Variants in PBRM1 observed in about 807,000 individuals in gnomAD.
The protein encoded by PBRM1 is polybromo 1.
PBRM1 carries 27 observed loss-of-function variants against 194.5 expected under a neutral mutation model. That is an observed-to-expected ratio of 0.14 (90% CI 0.10 to 0.19). The LOEUF is 0.19. Among genes scored for constraint, PBRM1 ranks in the 10% least tolerant of loss-of-function variants. The pLI is 1.00. For missense variants in PBRM1, 1,466 were observed against 2,077.2 expected (o/e 0.71, Z 5.72); for synonymous variants, 655 against 693.2 (o/e 0.94, Z 0.87).
chr3:52,658,394 G>A (rs1385524126), intron 4 of PBRM1, 79 bp from the exon 6 acceptor site: 1 of 733,078 alleles, frequency 1.4e-6, no homozygotes, highest in East Asian at 2.8e-5. Flanking sequence ...AAATTGTAGA[G>A]CTAATTCAAA....
At chr3:52,596,178 G>A (rs975820811) in intron 17 of PBRM1, among the ~76,000 whole-genome samples, 5 of 151,858 alleles carry the variant, frequency 3.3e-5, no homozygotes, top group African/African-American at 7.3e-5. Flanking sequence ...GGTGGCTCAC[G>A]CCTGTAATCC....
At chr3:52,620,940 G>A (rs758569448) in intron 13 of PBRM1, among the ~76,000 whole-genome samples, 1 of 152,090 alleles carries the variant, frequency 6.6e-6, no homozygotes, top group East Asian at 1.9e-4. Flanking sequence ...GTGCCTTAGA[G>A]ACTGAGAGCC....
At chr3:52,607,517 C>T (rs954666661) in intron 16 of PBRM1, among the ~76,000 whole-genome samples, 2 of 152,094 alleles carry the variant, frequency 1.3e-5, no homozygotes, top group African/African-American at 4.8e-5. Flanking sequence ...AAGACATAAA[C>T]GAAGTTCCTA....
intron 11 of PBRM1, among the ~76,000 whole-genome samples, chr3:52,631,235 T>C (rs1319112981): frequency 6.6e-6 from 1 of 151,066 alleles, no homozygotes; most frequent in African/African-American, 2.4e-5. Context: ...CTTTGGGAGG[T>C]CAAGGCGGGC....
At position 52,609,281 on chromosome 3, in the gene PBRM1, T is replaced by C; in HGVS notation, c.2567+32A>G. On this transcript the variant is annotated intron_variant, in intron 16 of 29. Transcript: ENST00000296302. The surrounding 1 kb of genome is among the most constrained non-coding windows in gnomAD (Gnocchi z 4.1). Reference sequence around the variant, plus strand: ...TCTGTTTTGTATTAAATAGCACATATCCTCAAAATAAAAATGGCTTTGAAA... The same window carrying C: ...TCTGTTTTGTATTAAATAGCACATACCCTCAAAATAAAAATGGCTTTGAAA... The C allele has an allele frequency of 6.5e-7, 1 of 1,539,848 alleles. No homozygotes were observed.
intron 3 of PBRM1, among the ~76,000 whole-genome samples, chr3:52,668,290 C>T (rs2096879338): frequency 6.6e-6 from 1 of 152,176 alleles, no homozygotes. Flanking sequence ...GAGCAAGACC[C>T]TGTCTCAAAA....
At chr3:52,603,086 A>G (rs1043540115) in intron 17 of PBRM1, among the ~76,000 whole-genome samples, 5 of 152,232 alleles carry the variant, frequency 3.3e-5, no homozygotes, top group African/African-American at 1.2e-4. Flanking sequence ...ACTTTTCTCC[A>G]GGTATGTGAT....
At chr3:52,603,189 G>A (rs2094121950) in intron 17 of PBRM1, among the ~76,000 whole-genome samples, 1 of 152,242 alleles carries the variant, frequency 6.6e-6, no homozygotes, top group South Asian at 2.1e-4. Context: ...TGGACTCACT[G>A]TTGAGAATGC....
chr3:52,657,494 G>C (rs1166794877), intron 5 of PBRM1, among the ~76,000 whole-genome samples: 1 of 152,050 alleles, frequency 6.6e-6, no homozygotes, highest in Admixed American at 6.6e-5. Flanking sequence ...TTTTGAGATG[G>C]ACTCTTGCTC....
intron 22 of PBRM1, among the ~76,000 whole-genome samples, chr3:52,568,540 A>C (rs1247148757): frequency 6.6e-6 from 1 of 152,174 alleles, no homozygotes; most frequent in Non-Finnish European, 1.5e-5. Flanking sequence ...GAGATTAACA[A>C]AATTTCTTTC....
intron 25 of PBRM1, chr3:52,560,745 T>A (rs2083325043): frequency 6.6e-6 from 1 of 152,212 alleles, no homozygotes; most frequent in Non-Finnish European, 1.5e-5. Context: ...TCTTGCAGGA[T>A]TAGGATTCTT....
chr3:52,634,454 AAAG>A, intron 11 of PBRM1, 145 bp downstream of exon 12: 4 of 578,786 alleles, frequency 6.9e-6, no homozygotes, highest in South Asian at 4.9e-5. Context: ...AAAAAAAAAA[AAAG>A]GTAATGAACA....
chr3:52,650,129 A>C (rs2096447070), intron 6 of PBRM1, among the ~76,000 whole-genome samples: 1 of 152,044 alleles, frequency 6.6e-6, no homozygotes, highest in Admixed American at 6.6e-5. Context: ...TTGGGAGGCC[A>C]AGGCGGGTGG....
chr3:52,571,613 C>T (rs9756967), intron 22 of PBRM1, among the ~76,000 whole-genome samples: 285 of 94,620 alleles, frequency 3.0e-3, no homozygotes, highest in African/African-American at 0.011. Flanking sequence ...GCAACAAGAG[C>T]GAAACTCCAT....
chr3:52,579,556 C>CCA (rs2090555689), intron 20 of PBRM1, among the ~76,000 whole-genome samples: 1 of 152,058 alleles, frequency 6.6e-6, no homozygotes, highest in African/African-American at 2.4e-5. Context: ...TAGGATCACG[C>CCA]CATTGTACTC....
In PBRM1 at chr3:52,550,462, G is replaced by A. The variant is rs142726131; in HGVS notation, c.4856C>T (p.Ala1619Val). 1.2e-4 allele frequency: 189 copies of A among 1,556,196 alleles called. 1 individual carries two copies. The highest frequency in any genetic ancestry group is 9.6e-4 in the South Asian group (79 of 82,252). ...CCACTTGCTAATGCTGTTGGACTCC[G>A]CACTGAGTCCTTCAATGTATTTCAG... Residue 1619 changes from alanine (A) to valine (V), a missense_variant, in exon 29 of 30, where the codon GCG becomes GTG. Coordinates refer to ENST00000296302, the Ensembl canonical transcript of PBRM1.
chr3:52,644,809 T>C lies in PBRM1; in HGVS notation c.814-20A>G. The C allele has an allele frequency of 8.0e-7, 1 of 1,253,118 alleles. No individual in the cohort carries two copies. The highest frequency in any genetic ancestry group is 1.2e-5 in the South Asian group (1 of 82,184). 77.6% of individuals were successfully genotyped at this position (1,253,118 alleles called of 1,614,324 possible). A position where few individuals can be genotyped will look rare whatever the true frequency, so the allele number is the denominator to read the frequency against. On this transcript the variant is annotated intron_variant, in intron 7 of 29. Coordinates refer to ENST00000296302, the Ensembl canonical transcript of PBRM1. ...TGCATCCTGTCAAGATAAAATTACT[T>C]GGTTTAAAAAAGGAACAGATAAAAG...
intron 17 of PBRM1, among the ~76,000 whole-genome samples, chr3:52,592,816 T>C (rs1215603533): frequency 6.6e-6 from 1 of 152,210 alleles, no homozygotes; most frequent in Admixed American, 6.5e-5. Flanking sequence ...GGCTATACAT[T>C]ACTAATTCAA....
chr3:52,679,627 G>A (rs1296667861), exon 1 of PBRM1: 1 of 1,613,958 alleles, frequency 6.2e-7, no homozygotes, highest in African/African-American at 1.3e-5. Context: ...CTTGGGCCTG[G>A]TGTTGACACA....
Sources: allele counts gnomAD v4.1 joint callset (sites outside exome capture counted in the v4.1 genomes callset), GRCh38; gene constraint gnomAD v4.1.1; non-coding constraint Gnocchi (gnomAD v3.1); transcripts MANE v1.5; gene names NCBI Gene and HGNC (gene_info 2026-07-23, HGNC 2026-07-21).